Variants in NCOA2 observed in about 807,000 individuals in gnomAD.
NCOA2 encodes nuclear receptor coactivator 2, also known as class E basic helix-loop-helix protein 75.
NCOA2 carries 21 observed loss-of-function variants against 145.1 expected under a neutral mutation model. That is an observed-to-expected ratio of 0.14 (90% CI 0.10 to 0.21). The LOEUF (loss-of-function observed/expected upper bound fraction) is 0.21. NCOA2 is among the 10% of genes least tolerant of loss of function. The pLI, the probability that NCOA2 is intolerant of heterozygous loss-of-function variation, is 1.00. For synonymous variants in NCOA2, 619 were observed against 637.5 expected (o/e 0.97, Z 0.44); for missense variants, 1,472 against 1,837.6 (o/e 0.80, Z 3.64).
At chr8:70,241,409 G>A (rs1291796647) in intron 2 of NCOA2, among the ~76,000 whole-genome samples, 3 of 152,060 alleles carry the variant, frequency 2.0e-5, no homozygotes, top group Non-Finnish European at 4.4e-5. Flanking sequence ...TGAATTAGCT[G>A]GGAGTTAATG....
At chr8:70,198,864 G>A (rs977796501) in intron 4 of NCOA2, among the ~76,000 whole-genome samples, 1 of 152,150 alleles carries the variant, frequency 6.6e-6, no homozygotes, top group African/African-American at 2.4e-5. Flanking sequence ...TTTGGTTTGA[G>A]AGTATCAATT....
At chr8:70,375,706 G>C (rs1306392064) in intron 1 of NCOA2, among the ~76,000 whole-genome samples, 2 of 151,942 alleles carry the variant, frequency 1.3e-5, no homozygotes, top group Non-Finnish European at 2.9e-5. Flanking sequence ...CCACAACCAG[G>C]GTCATTTTCA....
intron 2 of NCOA2, among the ~76,000 whole-genome samples, chr8:70,238,150 ACG>A (rs901327066): frequency 1.3e-4 from 19 of 151,748 alleles, no homozygotes; most frequent in Non-Finnish European, 2.2e-4. Flanking sequence ...GCATGTGCAC[ACG>A]CGCGCGCGCG....
chr8:70,419,481 ACT>A, the NCOA2 span, among the ~76,000 whole-genome samples: 1 of 151,696 alleles, frequency 6.6e-6, no homozygotes, highest in Non-Finnish European at 1.5e-5. Flanking sequence ...CTACATTTTA[ACT>A]CTATTCTAGA....
intron 1 of NCOA2, among the ~76,000 whole-genome samples, chr8:70,361,246 T>C (rs11985355): frequency 0.033 from 4,997 of 152,228 alleles, 288 homozygotes; most frequent in African/African-American, 0.11. Context: ...CCCAGCGCAG[T>C]GACTCATGCC....
At chr8:70,154,185 C>T (rs957976336) in intron 11 of NCOA2, among the ~76,000 whole-genome samples, 1 of 152,122 alleles carries the variant, frequency 6.6e-6, no homozygotes, top group African/African-American at 2.4e-5. Flanking sequence ...ATGAAATATC[C>T]TCTCGCAAAA....
intron 2 of NCOA2, among the ~76,000 whole-genome samples, chr8:70,279,704 G>A (rs1284793040): frequency 6.6e-6 from 1 of 152,152 alleles, no homozygotes; most frequent in Non-Finnish European, 1.5e-5. Context: ...AATCCAACAT[G>A]GACCAGTGAG....
the NCOA2 span, among the ~76,000 whole-genome samples, chr8:70,428,912 A>G: frequency 2.0e-5 from 3 of 152,022 alleles, no homozygotes; most frequent in Non-Finnish European, 4.4e-5. Flanking sequence ...CATGTCAGCT[A>G]CTTACTGTGG....
the NCOA2 span, among the ~76,000 whole-genome samples, chr8:70,434,178 A>G: frequency 6.6e-6 from 1 of 152,200 alleles, no homozygotes; most frequent in Non-Finnish European, 1.5e-5. Context: ...GGCAGGATAA[A>G]CAGAACCCAC....
At chr8:70,159,715 C>T in intron 9 of NCOA2, 63 bp from the exon 10 acceptor site, 1 of 1,454,186 alleles carries the variant, frequency 6.9e-7, no homozygotes, top group Non-Finnish European at 9.4e-7. Flanking sequence ...TCGGGGAGGA[C>T]AAGACATAAT....
At chr8:70,380,171 AGAAT>A (rs985088008) in intron 1 of NCOA2, among the ~76,000 whole-genome samples, 3 of 152,372 alleles carry the variant, frequency 2.0e-5, no homozygotes, top group Admixed American at 6.5e-5. Flanking sequence ...TTCAGCCTAA[AGAAT>A]GAATAATTAA....
At chr8:70,162,121 A>C (rs1422053690) in intron 9 of NCOA2, among the ~76,000 whole-genome samples, 2 of 151,258 alleles carry the variant, frequency 1.3e-5, no homozygotes, top group Non-Finnish European at 3.0e-5. Context: ...TGTGAGGGCC[A>C]GTGAGAGGAG....
At chr8:70,166,531 C>T in intron 7 of NCOA2, 35 bp downstream of exon 7, 1 of 1,607,560 alleles carries the variant, frequency 6.2e-7, no homozygotes, top group Non-Finnish European at 8.5e-7. Context: ...AATAAATACA[C>T]AGACACACAG....
At chr8:70,305,988 T>C (rs1448544207) in intron 1 of NCOA2, among the ~76,000 whole-genome samples, 3 of 152,190 alleles carry the variant, frequency 2.0e-5, no homozygotes, top group Non-Finnish European at 4.4e-5. Context: ...AGAAATGTTA[T>C]CAGAAAACAG....
intron 2 of NCOA2, among the ~76,000 whole-genome samples, chr8:70,224,893 G>A (rs116657538): frequency 7.9e-5 from 12 of 151,784 alleles, no homozygotes; most frequent in Non-Finnish European, 1.8e-4. Flanking sequence ...ATGGCTAGGC[G>A]CAGAGTGCCC....
chr8:70,354,636 T>C (rs946701777), intron 1 of NCOA2, among the ~76,000 whole-genome samples: 1 of 152,174 alleles, frequency 6.6e-6, no homozygotes, highest in African/African-American at 2.4e-5. Context: ...TTTAACAATA[T>C]GTTTCTAATC....
At chr8:70,242,722 C>A (rs1341534189) in intron 2 of NCOA2, among the ~76,000 whole-genome samples, 1 of 152,030 alleles carries the variant, frequency 6.6e-6, no homozygotes, top group African/African-American at 2.4e-5. Context: ...TTTAATCCTG[C>A]CTAAATCTTC....
rs1023623931 is a variant in NCOA2, at chr8:70,113,497, G to T, written c.*135C>A. The T allele has an allele frequency of 2.0e-6, 2 of 1,002,744 alleles. No homozygotes were observed. Among genetic ancestry groups the T allele is most frequent in the Non-Finnish European group, 3.0e-6 (2 of 663,460 alleles). 62.1% of individuals were successfully genotyped at this position (1,002,744 alleles called of 1,614,324 possible). A position where few individuals can be genotyped will look rare whatever the true frequency, so the allele number is the denominator to read the frequency against. On this transcript the variant is annotated 3_prime_UTR_variant, in exon 23 of 23. Transcript: ENST00000452400. ...GAGTGGACGCCACCCTGGGAACCAG[G>T]GCCAGGCCTGTCTGCTCTAGCAGAA...
At chr8:70,324,284 C>G (rs1338415782) in intron 1 of NCOA2, among the ~76,000 whole-genome samples, 1 of 152,150 alleles carries the variant, frequency 6.6e-6, no homozygotes, top group African/African-American at 2.4e-5. Context: ...CTCATGAACT[C>G]ATCAAGTACC....
Sources: gnomAD v4.1 joint callset for allele counts (sites outside exome capture counted in the v4.1 genomes callset) on GRCh38, gnomAD v4.1.1 for gene constraint, MANE v1.5 for transcripts, NCBI Gene and HGNC (gene_info 2026-07-23, HGNC 2026-07-21) for gene names.